Variants in PAXIP1 observed in about 807,000 individuals in gnomAD.
PAXIP1 encodes PAX-interacting protein 1.
In PAXIP1, 19 loss-of-function variants were observed where a neutral mutation model predicts 140.6. The observed-to-expected ratio is 0.14, with a 90% CI of 0.09 to 0.20. PAXIP1 has a LOEUF of 0.20. PAXIP1 is among the 10% of genes least tolerant of loss of function. The pLI, the probability that PAXIP1 is intolerant of heterozygous loss-of-function variation, is 1.00. For synonymous variants in PAXIP1, 442 were observed against 444.6 expected (o/e 0.99, Z 0.07); for missense variants, 920 against 1,208.6 (o/e 0.76, Z 3.54).
Position 154,986,272 on chromosome 7 carries a change from G to T in PAXIP1, c.325-2940C>A. The T allele has an allele frequency of 1.2e-6, 1 of 841,332 alleles. No homozygotes were observed. The highest frequency in any genetic ancestry group is 1.6e-6 in the Non-Finnish European group (1 of 606,334). The allele number at this position is 841,332 out of a possible 1,614,324, so 52.1% of individuals were successfully genotyped here. A position where few individuals can be genotyped will look rare whatever the true frequency, so the allele number is the denominator to read the frequency against. On this transcript the variant is annotated intron_variant, in intron 4 of 20. Coordinates refer to ENST00000404141, the MANE Select transcript of PAXIP1 (RefSeq NM_007349.4). This position sits in a 1 kb window ranked among gnomAD's most constrained non-coding sequence, Gnocchi z 4.8. ...CTGCCTGGCGTGTGCATGTGAGTGT[G>T]TGTGCGCATGGGTGCTCCAGTGTGC...
rs1360925155 is a variant in PAXIP1 at position 154,993,605 on chromosome 7, T to C, written c.260+121A>G. 4.0e-6 allele frequency: 3 copies of C among 747,352 alleles called. No individual in the cohort carries two copies. In the African/African-American group the frequency reaches 5.4e-5, roughly 13 times the overall value. 46.3% of individuals were successfully genotyped at this position (747,352 alleles called of 1,614,324 possible). ...GATGGAAAATAGTAGGAATATAAGA[T>C]GTAGACAAAACAATCTGTCCTAACG... On this transcript the variant is annotated intron_variant, in intron 3 of 20. Coordinates refer to ENST00000404141, the MANE Select transcript of PAXIP1 (RefSeq NM_007349.4).
At chr7:154,971,930 T>C (rs1809350289) in intron 6 of PAXIP1, among the ~76,000 whole-genome samples, 2 of 152,238 alleles carry the variant, frequency 1.3e-5, no homozygotes, top group African/African-American at 2.4e-5. Flanking sequence ...TGAAAGTCTC[T>C]CAGAAAATCT....
intron 17 of PAXIP1, 136 bp downstream of exon 17, chr7:154,947,767 C>G (rs900887665): frequency 4.3e-6 from 3 of 698,090 alleles, no homozygotes; most frequent in Non-Finnish European, 7.9e-6. Flanking sequence ...AAGAAGGAAG[C>G]CAAGAGGTAA....
In PAXIP1 at chr7:154,973,355, C is replaced by T. The variant is rs1365295447; in HGVS notation, c.1074+2341G>A. 6.6e-6 allele frequency among the ~76,000 whole-genome samples: 1 copy of T among 152,182 alleles called. No individual in the cohort carries two copies. Among genetic ancestry groups the T allele is most frequent in the East Asian group, 1.9e-4 (1 of 5,190 alleles). The stretch of plus-strand genomic sequence containing the variant: ...GCTGTTCAGTTACAAGGCACTGTCA[C>T]CACCCAGGACTTGAGGAAGGCCAGC... On this transcript the variant is annotated intron_variant, in intron 6 of 20. Transcript: ENST00000404141. The surrounding 1 kb of genome is among the most constrained non-coding windows in gnomAD (Gnocchi z 4.0).
intron 3 of PAXIP1, among the ~76,000 whole-genome samples, chr7:154,992,492 G>A (rs563898163): frequency 5.9e-5 from 9 of 152,150 alleles, no homozygotes; most frequent in Admixed American, 5.9e-4. Context: ...CTACTCAGGA[G>A]GCTGAGGCAG....
intron 5 of PAXIP1, among the ~76,000 whole-genome samples, chr7:154,981,451 G>T (rs1437135560): frequency 1.3e-5 from 2 of 152,102 alleles, no homozygotes; most frequent in African/African-American, 4.8e-5. Flanking sequence ...AGCAAAAAAA[G>T]AGTTATCTTT....
chr7:154,984,017 T>C (rs1388979702), intron 4 of PAXIP1, among the ~76,000 whole-genome samples: 1 of 152,230 alleles, frequency 6.6e-6, no homozygotes, highest in Non-Finnish European at 1.5e-5. Context: ...TGCCAGGAAC[T>C]GTGCCAAGTG....
rs937831371 is a variant in PAXIP1, at chr7:154,986,494, T to G, written c.325-3162A>C. ...TCGCATCTTAATTAATTTGTACCCC[T>G]CTGCATTGCTCCTGTCACAAAGGAA... On this transcript the variant is annotated intron_variant, in intron 4 of 20. Transcript: ENST00000404141. This position sits in a 1 kb window ranked among gnomAD's most constrained non-coding sequence, Gnocchi z 4.8. 1.3e-5 allele frequency among the ~76,000 whole-genome samples: 2 copies of G among 152,200 alleles called. No homozygotes were observed. The highest frequency in any genetic ancestry group is 2.9e-5 in the Non-Finnish European group (2 of 68,030).
At position 154,968,881 on chromosome 7, in the gene PAXIP1, G is replaced by A; in HGVS notation, c.1320C>T (p.Tyr440=). ...QQQQQISQQP[Y]PQQPPHPFSQ... is the part of the protein sequence containing the mutation. ...AAAATGGATGCGGCGGCTGCTGGGG[G>A]TAAGGTTGCTGAGAGATCTGCTGCT... The change falls in exon 7 of 21, where the codon TAC becomes TAT. Residue 440 remains tyrosine (Y), a synonymous_variant. Transcript: ENST00000404141. 3 of 994,788 alleles carry A rather than the reference G, an allele frequency of 3.0e-6. No homozygotes were observed. The highest frequency in any genetic ancestry group is 1.4e-5 in the South Asian group (1 of 72,626). 61.6% of individuals were successfully genotyped at this position (994,788 alleles called of 1,614,324 possible). A position where few individuals can be genotyped will look rare whatever the true frequency, so the allele number is the denominator to read the frequency against.
At chr7:154,945,153 T>A (rs1807895445) in intron 20 of PAXIP1, 1 of 152,122 alleles carries the variant, frequency 6.6e-6, no homozygotes, top group Non-Finnish European at 1.5e-5. Flanking sequence ...CAGCTAATTT[T>A]TTCTATTTTT....
intron 5 of PAXIP1, among the ~76,000 whole-genome samples, chr7:154,979,563 G>C (rs1809747288): frequency 6.6e-6 from 1 of 151,614 alleles, no homozygotes; most frequent in Non-Finnish European, 1.5e-5. Flanking sequence ...TTTTTAAAGG[G>C]ATTTAATTTT....
At position 155,002,952 on chromosome 7, in the gene PAXIP1, C is replaced by G; in HGVS notation, c.-23G>C. 2 of 1,182,806 alleles carry G rather than the reference C, an allele frequency of 1.7e-6. No individual in the cohort carries two copies. Among genetic ancestry groups the G allele is most frequent in the Non-Finnish European group, 2.1e-6 (2 of 930,510 alleles). The allele number at this position is 1,182,806 out of a possible 1,614,324, so 73.3% of individuals were successfully genotyped here. A position where few individuals can be genotyped will look rare whatever the true frequency, so the allele number is the denominator to read the frequency against. ...CATGATCGCGGCGGCCCGGGAGGCTCCGCGGCGGCGCCCGGCCCCGCCCAC... is the reference window on the plus strand; with the variant it reads ...CATGATCGCGGCGGCCCGGGAGGCTGCGCGGCGGCGCCCGGCCCCGCCCAC... On this transcript the variant is annotated 5_prime_UTR_variant, in exon 1 of 21. Coordinates refer to ENST00000404141, the MANE Select transcript of PAXIP1 (RefSeq NM_007349.4).
At chr7:154,962,221 T>C in intron 10 of PAXIP1, 100 bp downstream of exon 10, 12 of 1,311,700 alleles carry the variant, frequency 9.1e-6, no homozygotes, top group Non-Finnish European at 1.3e-5. Context: ...AAGCTCTGAC[T>C]CAGAAGCCAA....
chr7:154,991,015 G>A lies in PAXIP1; in HGVS notation c.315C>T (p.Cys105=), dbSNP rs1810304108. Residue 105 remains cysteine (C), a synonymous_variant, in exon 4 of 21, where the codon TGC becomes TGT. Transcript: ENST00000404141. ...CTGTAACCATGCTTACCTGAGAAAGGCAGGCAGTGATTCCAAAAAAAATCT... is the reference window on the plus strand; with the variant it reads ...CTGTAACCATGCTTACCTGAGAAAGACAGGCAGTGATTCCAAAAAAAATCT... ...SCQIFFGITA[C]LSQVSSEDRS... is the part of the protein sequence containing the mutation. The A allele has an allele frequency of 6.5e-7, 1 of 1,549,452 alleles. No homozygotes were observed. The highest frequency in any genetic ancestry group is 2.4e-5 in the East Asian group (1 of 42,368).
intron 6 of PAXIP1, among the ~76,000 whole-genome samples, chr7:154,970,965 T>C (rs1809285342): frequency 6.6e-6 from 1 of 152,180 alleles, no homozygotes; most frequent in Non-Finnish European, 1.5e-5. Flanking sequence ...AGGGCTGAAC[T>C]AGTCATTACC....
rs1183160232 is a variant in PAXIP1, at chr7:154,968,538, G to A, written c.1663C>T (p.Pro555Ser). ...GCCTGTGACGTCTGACTCAAGTGTGGCGCTGTCTGACTTTGCATCTGCTGC... is the reference window on the plus strand; with the variant it reads ...GCCTGTGACGTCTGACTCAAGTGTGACGCTGTCTGACTTTGCATCTGCTGC... ...QQQQMQSQTA[P>S]HLSQTSQALQ... The change falls in exon 7 of 21, where the codon CCA becomes TCA. Residue 555 changes from proline (P) to serine (S), a missense_variant. Around this residue, in one of 5 missense-constraint regions of PAXIP1, gnomAD observed 133 missense variants for 88.4 expected, o/e 1.50. Coordinates refer to ENST00000404141, the MANE Select transcript of PAXIP1 (RefSeq NM_007349.4). 1.3e-6 allele frequency: 1 copy of A among 755,632 alleles called. No homozygotes were observed. Among genetic ancestry groups the A allele is most frequent in the South Asian group, 1.5e-5 (1 of 68,196 alleles). The allele number at this position is 755,632 out of a possible 1,614,324, so 46.8% of individuals were successfully genotyped here.
In PAXIP1 at chr7:154,954,251, T is replaced by A. The variant is rs1443823943; in HGVS notation, c.2821+4A>T. On this transcript the variant is annotated splice_donor_region_variant and intron_variant, in intron 16 of 20. Transcript: ENST00000404141. This position sits in a 1 kb window ranked among gnomAD's most constrained non-coding sequence, Gnocchi z 5.1. ...AAAGCAAAGTTACTGGCGCTGCTCCTTACCAATGAACTTCTGACACCTGAA... is the reference window on the plus strand; with the variant it reads ...AAAGCAAAGTTACTGGCGCTGCTCCATACCAATGAACTTCTGACACCTGAA... 7.9e-6 allele frequency: 12 copies of A among 1,526,866 alleles called. No homozygotes were observed. The highest frequency in any genetic ancestry group is 1.1e-5 in the Non-Finnish European group (12 of 1,122,452). 94.6% of individuals were successfully genotyped at this position (1,526,866 alleles called of 1,614,324 possible).
intron 5 of PAXIP1, among the ~76,000 whole-genome samples, chr7:154,980,613 T>C (rs978343959): frequency 6.6e-6 from 1 of 152,030 alleles, no homozygotes; most frequent in Non-Finnish European, 1.5e-5. Flanking sequence ...GGGGTCTCAC[T>C]TTGTTGCCCA....
chr7:154,990,844 C>A (rs1257500088), intron 4 of PAXIP1, among the ~76,000 whole-genome samples, 162 bp downstream of exon 4: 2 of 152,178 alleles, frequency 1.3e-5, no homozygotes, highest in Admixed American at 6.5e-5. Context: ...AAAGCAAGCA[C>A]AAATATTTAA....
Sources: gnomAD v4.1 joint callset for allele counts (sites outside exome capture counted in the v4.1 genomes callset) on GRCh38, gnomAD v4.1.1 for gene constraint, gnomAD v4.1.1 regional missense constraint, Gnocchi (gnomAD v3.1) non-coding constraint, MANE v1.5 for transcripts, NCBI Gene and HGNC (gene_info 2026-07-23, HGNC 2026-07-21) for gene names.